RGS20: variants seen among roughly 807,000 people sequenced by gnomAD.
RGS20 encodes the protein gz-selective GTPase-activating protein.
Under a neutral mutation model 33.6 loss-of-function variants are expected in RGS20, and 30 were observed. The observed-to-expected ratio is 0.89, with a 90% CI of 0.67 to 1.21. RGS20 has a LOEUF of 1.21. Ranked by LOEUF, RGS20 falls within the 50% of genes most tolerant of loss-of-function variation. The pLI, the probability that RGS20 is intolerant of heterozygous loss-of-function variation, is 0.00. For missense variants in RGS20, 472 were observed against 502.4 expected, an observed-to-expected ratio of 0.94 and a Z score of 0.58; for synonymous variants, 208 against 197.9, an observed-to-expected ratio of 1.05 and a Z score of -0.43.
chr8:53,882,873 T>C (rs1362123442), intron 2 of RGS20, among the ~76,000 whole-genome samples: 1 of 152,118 alleles, frequency 6.6e-6, no homozygotes, highest in Non-Finnish European at 1.5e-5. Flanking sequence ...GCCACCCTCC[T>C]TGGGACACAA....
At chr8:53,881,242 C>T (rs1415285516) in intron 2 of RGS20, among the ~76,000 whole-genome samples, 158 bp downstream of exon 1, 5 of 151,808 alleles carry the variant, frequency 3.3e-5, no homozygotes, top group Admixed American at 6.6e-5. Flanking sequence ...GTCGGGGGTT[C>T]CTTCCCGCAG....
At chr8:53,927,201 G>GTTT (rs553191513) in intron 2 of RGS20, among the ~76,000 whole-genome samples, 3 of 126,958 alleles carry the variant, frequency 2.4e-5, no homozygotes, top group African/African-American at 5.7e-5. Flanking sequence ...TTTTTGGGGC[G>GTTT]TTTTTTTTTT....
At chr8:53,930,225 A>G (rs1813915827) in intron 2 of RGS20, among the ~76,000 whole-genome samples, 1 of 152,270 alleles carries the variant, frequency 6.6e-6, no homozygotes, top group Non-Finnish European at 1.5e-5. Flanking sequence ...AAGAGAATTC[A>G]ATATAGTATT....
chr8:53,904,396 T>C lies in RGS20; in HGVS notation c.510+24794T>C, dbSNP rs1813110842. On this transcript the variant is annotated intron_variant, in intron 2 of 5. Coordinates refer to ENST00000297313, the MANE Select transcript of RGS20 (RefSeq NM_170587.4). ...ATCCTTCTGCCTTGGCCTCCCAAAGTGCTAGGATTACAGGCGTGAGCCACC... is the reference window on the plus strand; with the variant it reads ...ATCCTTCTGCCTTGGCCTCCCAAAGCGCTAGGATTACAGGCGTGAGCCACC... Among the ~76,000 whole-genome samples the C allele has an allele frequency of 2.6e-5, 4 of 152,198 alleles. No individual in the cohort carries two copies. The South Asian group carries it at 8.3e-4, about 32-fold the overall frequency.
intron 2 of RGS20, among the ~76,000 whole-genome samples, chr8:53,881,789 G>A (rs902174493): frequency 6.6e-6 from 1 of 152,116 alleles, no homozygotes; most frequent in Non-Finnish European, 1.5e-5. Context: ...AGGCGCCGCC[G>A]GGATTTTCCT....
intron 2 of RGS20, among the ~76,000 whole-genome samples, chr8:53,887,461 T>C (rs1812581044): frequency 6.6e-6 from 1 of 152,178 alleles, no homozygotes; most frequent in African/African-American, 2.4e-5. Context: ...CCTGTAAGGA[T>C]TTTTGGAAAA....
intron 2 of RGS20, among the ~76,000 whole-genome samples, chr8:53,896,958 A>T (rs923104198): frequency 6.6e-6 from 1 of 152,254 alleles, no homozygotes; most frequent in Non-Finnish European, 1.5e-5. Context: ...AGGATAAAAA[A>T]TTCTAATAAT....
At chr8:53,898,090 G>T (rs1325277875) in intron 2 of RGS20, among the ~76,000 whole-genome samples, 3 of 152,158 alleles carry the variant, frequency 2.0e-5, no homozygotes, top group Admixed American at 2.0e-4. Context: ...CTGTGGGGCT[G>T]GATCCCACCC....
intron 2 of RGS20, among the ~76,000 whole-genome samples, chr8:53,890,801 T>C (rs563529909): frequency 2.2e-4 from 33 of 152,356 alleles, no homozygotes; most frequent in Admixed American, 9.1e-4. Context: ...GACCATTTTT[T>C]ACAAATGTTT....
chr8:53,891,180 A>T (rs948723101), intron 2 of RGS20, among the ~76,000 whole-genome samples: 1 of 152,248 alleles, frequency 6.6e-6, no homozygotes, highest in Non-Finnish European at 1.5e-5. Flanking sequence ...CAGGAAAAAA[A>T]CAGCTAGTGA....
intron 2 of RGS20, among the ~76,000 whole-genome samples, chr8:53,930,992 G>C (rs1813942643): frequency 6.6e-6 from 1 of 152,174 alleles, no homozygotes; most frequent in African/African-American, 2.4e-5. Flanking sequence ...CCACAGGTGA[G>C]GTGAAGACGT....
At chr8:53,873,547 T>C (rs1373190117) in intron 1 of RGS20, among the ~76,000 whole-genome samples, 1 of 152,236 alleles carries the variant, frequency 6.6e-6, no homozygotes, top group African/African-American at 2.4e-5. Context: ...GGTTCATCTA[T>C]GTCATAGCAT....
At chr8:53,882,315 C>T (rs1812411049) in intron 2 of RGS20, among the ~76,000 whole-genome samples, 1 of 152,064 alleles carries the variant, frequency 6.6e-6, no homozygotes, top group African/African-American at 2.4e-5. Context: ...AGGCGGCGCG[C>T]GGGCACTGAG....
chr8:53,913,092 A>G (rs1037393096), intron 2 of RGS20, among the ~76,000 whole-genome samples: 1 of 152,014 alleles, frequency 6.6e-6, no homozygotes, highest in Non-Finnish European at 1.5e-5. Flanking sequence ...CGGCCTCCCA[A>G]GTAGCTGGGA....
intron 1 of RGS20, among the ~76,000 whole-genome samples, chr8:53,863,936 C>A (rs1317494650): frequency 6.6e-5 from 10 of 151,658 alleles, no homozygotes; most frequent in Non-Finnish European, 1.3e-4. Flanking sequence ...ACCATGTTAG[C>A]CAGGATGGTC....
intron 2 of RGS20, among the ~76,000 whole-genome samples, chr8:53,885,825 C>T (rs1563363359): frequency 7.7e-6 from 1 of 130,184 alleles, no homozygotes; most frequent in Admixed American, 8.4e-5. Context: ...CTCCAAGAAA[C>T]CTCTTGCATG....
chr8:53,910,138 A>G (rs1397763336), intron 2 of RGS20, among the ~76,000 whole-genome samples: 1 of 152,208 alleles, frequency 6.6e-6, no homozygotes, highest in Non-Finnish European at 1.5e-5. Context: ...TGTATTAAAC[A>G]CCTTTACATA....
intron 2 of RGS20, among the ~76,000 whole-genome samples, chr8:53,917,230 G>C (rs13267128): frequency 0.41 from 62,141 of 151,974 alleles, 15,936 homozygotes; most frequent in African/African-American, 0.74. Context: ...TCATTGCAAC[G>C]TCTGCCTCCC....
chr8:53,931,362 T>C (rs961976222), intron 2 of RGS20, among the ~76,000 whole-genome samples: 1 of 152,020 alleles, frequency 6.6e-6, no homozygotes, highest in Non-Finnish European at 1.5e-5. Context: ...TGCGACCAGC[T>C]TGGCCAACAT....
Sources: allele counts gnomAD v4.1 joint callset (sites outside exome capture counted in the v4.1 genomes callset), GRCh38; gene constraint gnomAD v4.1.1; transcripts MANE v1.5; gene names NCBI Gene and HGNC (gene_info 2026-07-23, HGNC 2026-07-21).